Variants in LEPR observed in about 807,000 individuals in gnomAD.
LEPR encodes leptin receptor.
A neutral mutation model predicts 114.7 loss-of-function variants in LEPR; 56 were observed. That is an observed-to-expected ratio of 0.49 (90% CI 0.39 to 0.61). The LOEUF (loss-of-function observed/expected upper bound fraction) is 0.61, where lower values mean the gene tolerates loss of function less well. Among genes scored for constraint, LEPR ranks in the 20% least tolerant of loss-of-function variants. The pLI is 0.00. For synonymous variants in LEPR, 443 were observed against 461.4 expected, an observed-to-expected ratio of 0.96 and a Z score of 0.51; for missense variants, 1,202 against 1,352.9, an observed-to-expected ratio of 0.89 and a Z score of 1.75.
intron 2 of LEPR, among the ~76,000 whole-genome samples, chr1:65,488,475 GTGCACACCAC>G (rs1647697793): frequency 6.6e-6 from 1 of 150,608 alleles, no homozygotes; most frequent in African/African-American, 2.5e-5. Context: ...GGGACTACAG[GTGCACACCAC>G]TGTACCTGGC....
At chr1:65,581,833 A>G (rs1418401013) in intron 5 of LEPR, among the ~76,000 whole-genome samples, 1 of 152,190 alleles carries the variant, frequency 6.6e-6, no homozygotes, top group African/African-American at 2.4e-5. Flanking sequence ...ATTCAGTTCA[A>G]TAGGCACATT....
intron 5 of LEPR, among the ~76,000 whole-genome samples, chr1:65,592,248 AT>A (rs58700529): frequency 1.4e-3 from 161 of 117,752 alleles, no homozygotes; most frequent in Middle Eastern, 5.3e-3. Flanking sequence ...ATCTGCTGTC[AT>A]TTTTTTTTTT....
chr1:65,610,147 G>C, intron 13 of LEPR, 41 bp downstream of exon 13: 1 of 1,614,118 alleles, frequency 6.2e-7, no homozygotes. Flanking sequence ...AAGTGCATAA[G>C]TGTGTGCTTC....
chr1:65,494,022 T>C (rs1264170649), intron 2 of LEPR: 4 of 152,180 alleles, frequency 2.6e-5, no homozygotes, highest in African/African-American at 9.6e-5. Flanking sequence ...GTTTTGCTTT[T>C]TGGCTTAACT....
At chr1:65,545,075 C>G (rs1346628705) in intron 2 of LEPR, among the ~76,000 whole-genome samples, 1 of 149,184 alleles carries the variant, frequency 6.7e-6, no homozygotes, top group Non-Finnish European at 1.5e-5. Flanking sequence ...TTTGTTCTTG[C>G]GATAGTTTAC....
At chr1:65,434,877 G>C in intron 2 of LEPR, 1 of 985,422 alleles carries the variant, frequency 1.0e-6, no homozygotes, top group Non-Finnish European at 1.2e-6. Context: ...CTGATGTCAT[G>C]TGGTGCTGAG....
At chr1:65,556,196 C>T (rs1652804753) in intron 2 of LEPR, among the ~76,000 whole-genome samples, 1 of 152,140 alleles carries the variant, frequency 6.6e-6, no homozygotes, top group Non-Finnish European at 1.5e-5. Context: ...AGTAGTCCTT[C>T]ACCAGAGATT....
chr1:65,592,685 G>T lies in LEPR; in HGVS notation c.523G>T (p.Val175Phe). The T allele has an allele frequency of 1.9e-6, 3 of 1,612,966 alleles. No homozygotes were observed. The highest frequency in any genetic ancestry group is 2.5e-6 in the Non-Finnish European group (3 of 1,179,334). The change falls in exon 6 of 20, where the codon GTT (valine) becomes TTT (phenylalanine). Residue 175 changes from valine to phenylalanine, a missense_variant. By Grantham distance (50) the Val-to-Phe change is conservative. Coordinates refer to ENST00000349533, the MANE Select transcript of LEPR (RefSeq NM_002303.6). ...LPEVLEDSPL[V>F]PQKGSFQMVH... ...TGAAGTGTTAGAAGATTCACCTCTG[G>T]TTCCCCAAAAAGGCAGTTTTCAGAT...
chr1:65,623,043 C>T, intron 19 of LEPR, 62 bp downstream of exon 19: 1 of 1,481,484 alleles, frequency 6.7e-7, no homozygotes, highest in Non-Finnish European at 9.4e-7. Flanking sequence ...CGCCATATGA[C>T]TTATAGAGCA....
At chr1:65,634,175 G>A (rs556304111) in intron 19 of LEPR, 6 of 984,678 alleles carry the variant, frequency 6.1e-6, no homozygotes, top group Non-Finnish European at 7.2e-6. Context: ...CCAAACCAAC[G>A]ACTATGTTTA....
At position 65,485,057 on chromosome 1, in the gene LEPR, G is replaced by A. The variant is rs372306452; in HGVS notation, c.-21+59679G>A. 3.3e-4 allele frequency among the ~76,000 whole-genome samples: 50 copies of A among 152,308 alleles called. 1 individual carries two copies. The South Asian group carries it at 9.7e-3, about 30-fold the overall frequency. On this transcript the variant is annotated intron_variant, in intron 2 of 19. Transcript: ENST00000349533. ...GATGCCAGGCAGAGAGAATACACTT[G>A]AAGTAGTTGGAAACTACTTGGGTTT...
chr1:65,629,066 C>T (rs1658380676), intron 19 of LEPR, among the ~76,000 whole-genome samples: 1 of 152,090 alleles, frequency 6.6e-6, no homozygotes, highest in South Asian at 2.1e-4. Context: ...CTGGCTACAA[C>T]GAGGATTTAC....
chr1:65,434,050 T>C (rs965092620), intron 2 of LEPR: 63 of 985,236 alleles, frequency 6.4e-5, no homozygotes, highest in Non-Finnish European at 7.5e-5. Context: ...CTTATACACA[T>C]TTTCAATAAC....
intron 2 of LEPR, among the ~76,000 whole-genome samples, chr1:65,552,348 T>C (rs1652449297): frequency 1.3e-5 from 2 of 152,198 alleles, no homozygotes; most frequent in South Asian, 4.1e-4. Flanking sequence ...TTTAAGTCTC[T>C]TTGTAGGTCA....
At chr1:65,570,446 CTA>C (rs1654073745) in intron 3 of LEPR, 25 bp from the exon 4 acceptor site, 1 of 1,603,008 alleles carries the variant, frequency 6.2e-7, no homozygotes. Context: ...TTACTTTTTT[CTA>C]TGTGTCTTTT....
intron 2 of LEPR, among the ~76,000 whole-genome samples, chr1:65,468,777 C>T (rs1647047115): frequency 6.6e-6 from 1 of 152,152 alleles, no homozygotes; most frequent in East Asian, 1.9e-4. Context: ...CATGCGGATG[C>T]ATTGTGTACA....
chr1:65,488,095 CCTT>C (rs1647596780), intron 2 of LEPR, among the ~76,000 whole-genome samples: 1 of 126,812 alleles, frequency 7.9e-6, no homozygotes, highest in African/African-American at 3.2e-5. Flanking sequence ...TCCTTTCTTT[CCTT>C]CTTTCTTTCT....
At chr1:65,485,212 CA>C (rs1380026142) in intron 2 of LEPR, among the ~76,000 whole-genome samples, 13 of 152,134 alleles carry the variant, frequency 8.5e-5, no homozygotes, top group Admixed American at 8.5e-4. Flanking sequence ...ATCTATAAAA[CA>C]GGGAAGAGTA....
At chr1:65,436,461 G>T (rs1646564272) in intron 2 of LEPR, among the ~76,000 whole-genome samples, 1 of 152,166 alleles carries the variant, frequency 6.6e-6, no homozygotes, top group African/African-American at 2.4e-5. Context: ...AGATTGTAAA[G>T]AAATCAAGCT....
Sources: allele counts gnomAD v4.1 joint callset (sites outside exome capture counted in the v4.1 genomes callset), GRCh38; gene constraint gnomAD v4.1.1; transcripts MANE v1.5; gene names NCBI Gene and HGNC (gene_info 2026-07-23, HGNC 2026-07-21).